CCDC88C: variants seen among roughly 807,000 people sequenced by gnomAD.
CCDC88C encodes the protein protein Daple.
CCDC88C carries 131 observed loss-of-function variants against 198.8 expected under a neutral mutation model. The observed-to-expected ratio is 0.66, with a 90% confidence interval of 0.57 to 0.76. CCDC88C has a LOEUF of 0.76. Ranked by LOEUF, CCDC88C falls within the 30% of genes least tolerant of loss-of-function variation. The pLI is 0.00. For synonymous variants in CCDC88C, 1,166 were observed against 1,114.7 expected, an observed-to-expected ratio of 1.05 and a Z score of -0.92; for missense variants, 2,553 against 2,631.6, an observed-to-expected ratio of 0.97 and a Z score of 0.65.
chr14:91,370,200 C>T (rs1026585526), intron 3 of CCDC88C, among the ~76,000 whole-genome samples: 1 of 152,216 alleles, frequency 6.6e-6, no homozygotes, highest in East Asian at 1.9e-4. Flanking sequence ...GCCACACCCT[C>T]ATCTGTACCA....
chr14:91,386,816 T>C (rs1567114781), intron 3 of CCDC88C, among the ~76,000 whole-genome samples: 1 of 152,206 alleles, frequency 6.6e-6, no homozygotes, highest in Non-Finnish European at 1.5e-5. Context: ...TCATGGGCTA[T>C]GACCCAGGCT....
chr14:91,281,773 G>A (rs529049795), intron 26 of CCDC88C, among the ~76,000 whole-genome samples: 3 of 152,222 alleles, frequency 2.0e-5, no homozygotes, highest in South Asian at 2.1e-4. Flanking sequence ...TGGCTGGAAC[G>A]TGTGGACCAA....
At chr14:91,317,713 C>G (rs1892161658) in intron 13 of CCDC88C, among the ~76,000 whole-genome samples, 1 of 152,240 alleles carries the variant, frequency 6.6e-6, no homozygotes, top group East Asian at 1.9e-4. Flanking sequence ...CCCCTCCCTT[C>G]CGGCGCCCCC....
chr14:91,401,329 A>G (rs1331618083), intron 3 of CCDC88C, among the ~76,000 whole-genome samples: 3 of 50,966 alleles, frequency 5.9e-5, no homozygotes, highest in African/African-American at 1.3e-4. Context: ...TATATTACAT[A>G]TATTATATAT....
Position 91,338,093 on chromosome 14 carries a change from T to G in CCDC88C, c.962A>C (p.Lys321Thr). ...CTCCAGCCTCTCCACGCGGTTCGCCTTCTCCCGCAGGGAATCCAGCTCGTC... is the reference window on the plus strand; with the variant it reads ...CTCCAGCCTCTCCACGCGGTTCGCCGTCTCCCGCAGGGAATCCAGCTCGTC... ...YRDELDSLRE[K>T]ANRVERLELE... is the part of the protein sequence containing the mutation. The change falls in exon 10 of 30, where the codon AAG becomes ACG. Residue 321 changes from lysine (K) to threonine (T), a missense_variant. Transcript: ENST00000389857. The surrounding 1 kb of genome is among the most constrained non-coding windows in gnomAD (Gnocchi z 4.8). The G allele has an allele frequency of 6.2e-7, 1 of 1,613,924 alleles. No homozygotes were observed. The highest frequency in any genetic ancestry group is 1.1e-5 in the South Asian group (1 of 91,086).
intron 29 of CCDC88C, among the ~76,000 whole-genome samples, chr14:91,276,721 G>C (rs983696118): frequency 4.6e-5 from 7 of 152,220 alleles, no homozygotes; most frequent in African/African-American, 1.7e-4. Flanking sequence ...GAAGTTTTAA[G>C]AATCCTCAAA....
chr14:91,407,343 C>T (rs771440647), intron 3 of CCDC88C, among the ~76,000 whole-genome samples: 17 of 152,304 alleles, frequency 1.1e-4, no homozygotes, highest in Admixed American at 5.2e-4. Flanking sequence ...GCTGGCCAGA[C>T]GGCTTCCTCA....
intron 29 of CCDC88C, among the ~76,000 whole-genome samples, chr14:91,277,362 T>G (rs886921416): frequency 6.6e-6 from 1 of 152,178 alleles, no homozygotes; most frequent in African/African-American, 2.4e-5. Context: ...AAAAACGTAT[T>G]TCACATCATG....
At chr14:91,361,839 A>G (rs748686523) in intron 3 of CCDC88C, among the ~76,000 whole-genome samples, 16 of 152,340 alleles carry the variant, frequency 1.1e-4, no homozygotes, top group Non-Finnish European at 1.9e-4. Flanking sequence ...AAAATACACC[A>G]GTAAAATCAG....
At chr14:91,407,552 C>G (rs1159328013) in intron 3 of CCDC88C, among the ~76,000 whole-genome samples, 1 of 152,174 alleles carries the variant, frequency 6.6e-6, no homozygotes, top group Non-Finnish European at 1.5e-5. Context: ...CCCGGGAACC[C>G]AGACAGATGC....
chr14:91,367,150 C>T (rs778183690), intron 3 of CCDC88C, among the ~76,000 whole-genome samples: 8 of 152,232 alleles, frequency 5.3e-5, no homozygotes, highest in African/African-American at 1.4e-4. Context: ...GAAGAATAAA[C>T]GCTGCCGAAA....
chr14:91,353,757 A>G (rs932972227), intron 4 of CCDC88C, among the ~76,000 whole-genome samples: 3 of 152,190 alleles, frequency 2.0e-5, no homozygotes, highest in African/African-American at 7.2e-5. Flanking sequence ...TAACCATCAT[A>G]AGAGAGAGAA....
intron 4 of CCDC88C, among the ~76,000 whole-genome samples, chr14:91,354,900 A>C (rs893506744): frequency 7.9e-5 from 12 of 152,204 alleles, no homozygotes; most frequent in Non-Finnish European, 1.5e-4. Context: ...AGGTGCCAAA[A>C]GATATGGAGA....
intron 4 of CCDC88C, 99 bp from the exon 5 acceptor site, chr14:91,343,756 TCTCTA>T (rs1893402659): frequency 7.2e-7 from 1 of 1,397,488 alleles, no homozygotes; most frequent in Non-Finnish European, 9.9e-7. Flanking sequence ...AAAAATCATC[TCTCTA>T]CTCTGTGACA....
intron 10 of CCDC88C, among the ~76,000 whole-genome samples, chr14:91,336,651 C>T (rs1308218908): frequency 1.3e-5 from 2 of 152,254 alleles, no homozygotes; most frequent in Non-Finnish European, 2.9e-5. Flanking sequence ...GTCTACCCTC[C>T]CCACCCCTCG....
intron 2 of CCDC88C, among the ~76,000 whole-genome samples, chr14:91,413,889 A>G (rs1886918001): frequency 6.6e-6 from 1 of 152,214 alleles, no homozygotes; most frequent in Non-Finnish European, 1.5e-5. Context: ...ACTTGGGGTG[A>G]AGGAATCAAA....
chr14:91,348,310 C>A (rs561108306), intron 4 of CCDC88C, among the ~76,000 whole-genome samples: 1 of 139,024 alleles, frequency 7.2e-6, no homozygotes, highest in Admixed American at 7.6e-5. Flanking sequence ...CCAGCCAAGA[C>A]CCTATCTCTA....
intron 3 of CCDC88C, 120 bp from the exon 4 acceptor site, chr14:91,359,831 C>T (rs1037500043): frequency 2.5e-5 from 21 of 835,996 alleles, no homozygotes; most frequent in Non-Finnish European, 4.2e-5. Context: ...GTGGTGACTA[C>T]GAAGGAGCTA....
chr14:91,274,082 A>G (rs1220193283), intron 29 of CCDC88C, among the ~76,000 whole-genome samples: 1 of 115,232 alleles, frequency 8.7e-6, no homozygotes, highest in South Asian at 2.7e-4. Flanking sequence ...GGACATCATA[A>G]GGACTTCACC....
Sources: allele counts gnomAD v4.1 joint callset (sites outside exome capture counted in the v4.1 genomes callset), GRCh38; gene constraint gnomAD v4.1.1; non-coding constraint Gnocchi (gnomAD v3.1); transcripts MANE v1.5; gene names NCBI Gene and HGNC (gene_info 2026-07-23, HGNC 2026-07-21).